The following DYM variants were observed in gnomAD, a reference collection of about 807,000 sequenced individuals.
DYM encodes the protein dymeclin, also known as dyggve-Melchior-Clausen syndrome protein.
DYM carries 78 observed loss-of-function variants against 93.1 expected under a neutral mutation model. The ratio of observed to expected loss-of-function variants is 0.84; its 90% CI spans 0.70 to 1.01. The LOEUF is 1.01. Among genes scored for constraint, DYM ranks in the 50% least tolerant of loss-of-function variants. The pLI, the probability that DYM is intolerant of heterozygous loss-of-function variation, is 0.00. For synonymous variants in DYM, 321 were observed against 319.7 expected, an observed-to-expected ratio of 1.00 and a Z score of -0.04; for missense variants, 789 against 845.0, an observed-to-expected ratio of 0.93 and a Z score of 0.82.
chr18:49,411,444 T>C (rs1053571646), intron 2 of DYM, among the ~76,000 whole-genome samples: 3 of 152,116 alleles, frequency 2.0e-5, no homozygotes, highest in Non-Finnish European at 2.9e-5. Context: ...TCATAAACTA[T>C]AGTGTGGTCG....
At chr18:49,409,589 T>G (rs932916339) in intron 2 of DYM, among the ~76,000 whole-genome samples, 1 of 152,200 alleles carries the variant, frequency 6.6e-6, no homozygotes, top group Non-Finnish European at 1.5e-5. Flanking sequence ...AGAGTACCAC[T>G]GTTGGATGTC....
chr18:49,195,981 T>C (rs1046460643), intron 14 of DYM, among the ~76,000 whole-genome samples: 10 of 134,782 alleles, frequency 7.4e-5, no homozygotes, highest in African/African-American at 2.8e-4. Context: ...TGGAGTGCAG[T>C]GGTGCGATCT....
intron 2 of DYM, among the ~76,000 whole-genome samples, chr18:49,397,755 T>C (rs1195460664): frequency 1.3e-5 from 2 of 152,218 alleles, no homozygotes. Context: ...AAACTGAGAT[T>C]TGCTAAAGCA....
At chr18:49,458,138 C>A (rs1383926757) in intron 1 of DYM, among the ~76,000 whole-genome samples, 1 of 152,182 alleles carries the variant, frequency 6.6e-6, no homozygotes, top group African/African-American at 2.4e-5. Flanking sequence ...TAACATTAAA[C>A]AACTTCTAAT....
intron 13 of DYM, among the ~76,000 whole-genome samples, chr18:49,231,456 C>T (rs2093692038): frequency 6.6e-6 from 1 of 152,168 alleles, no homozygotes; most frequent in Non-Finnish European, 1.5e-5. Context: ...GGGTAGACCT[C>T]CCTTTACCCA....
At chr18:49,227,393 A>G (rs949874622) in intron 13 of DYM, among the ~76,000 whole-genome samples, 2 of 152,184 alleles carry the variant, frequency 1.3e-5, no homozygotes, top group African/African-American at 4.8e-5. Flanking sequence ...AAAAATACAC[A>G]CAAGATAAAA....
At chr18:49,380,465 A>G (rs149432711) in intron 3 of DYM, among the ~76,000 whole-genome samples, 50 of 152,336 alleles carry the variant, frequency 3.3e-4, no homozygotes, top group Non-Finnish European at 6.2e-4. Flanking sequence ...GGTGCTTTAC[A>G]TGCATTAACT....
chr18:49,439,348 A>G (rs1207606938), intron 1 of DYM, among the ~76,000 whole-genome samples: 6 of 152,204 alleles, frequency 3.9e-5, no homozygotes, highest in East Asian at 1.9e-4. Flanking sequence ...CAATCTTAAC[A>G]TGTGCAAAAC....
intron 13 of DYM, among the ~76,000 whole-genome samples, chr18:49,249,886 A>AT (rs1251796003): frequency 6.6e-6 from 1 of 152,234 alleles, no homozygotes; most frequent in Non-Finnish European, 1.5e-5. Context: ...GCATGATTAA[A>AT]TTTTATCAGA....
At chr18:49,111,990 C>T (rs932796108) in intron 16 of DYM, among the ~76,000 whole-genome samples, 1 of 152,142 alleles carries the variant, frequency 6.6e-6, no homozygotes, top group Admixed American at 6.5e-5. Flanking sequence ...AACCCTGGGG[C>T]TGCGACAGTT....
At chr18:49,044,700 T>C (rs753559750) in intron 17 of DYM, among the ~76,000 whole-genome samples, 2 of 152,190 alleles carry the variant, frequency 1.3e-5, no homozygotes, top group African/African-American at 2.4e-5. Flanking sequence ...GGGGCTACTC[T>C]GGAGGAGCGG....
chr18:49,129,518 G>A (rs1164331871), intron 15 of DYM, among the ~76,000 whole-genome samples: 1 of 152,234 alleles, frequency 6.6e-6, no homozygotes, highest in East Asian at 1.9e-4. Flanking sequence ...CAAGGAAGAA[G>A]TGGTGTCCAC....
At chr18:49,326,290 G>A (rs1034514938) in intron 8 of DYM, among the ~76,000 whole-genome samples, 8 of 151,850 alleles carry the variant, frequency 5.3e-5, no homozygotes, top group African/African-American at 1.9e-4. Context: ...CATTTTGTCA[G>A]CATATTAGAA....
At chr18:49,059,079 A>G (rs2075739027) in intron 17 of DYM, among the ~76,000 whole-genome samples, 1 of 152,252 alleles carries the variant, frequency 6.6e-6, no homozygotes, top group Non-Finnish European at 1.5e-5. Flanking sequence ...CTAAGTGCAT[A>G]CGAAACACTT....
intron 17 of DYM, among the ~76,000 whole-genome samples, chr18:49,054,728 A>C (rs750093293): frequency 6.6e-6 from 1 of 152,190 alleles, no homozygotes. Context: ...GTCTCTGGGC[A>C]CTAAGTTACC....
chr18:49,424,272 T>A (rs905145674), intron 2 of DYM, among the ~76,000 whole-genome samples: 1 of 152,114 alleles, frequency 6.6e-6, no homozygotes, highest in Non-Finnish European at 1.5e-5. Context: ...TAATCCATCA[T>A]ATACACAGAA....
chr18:49,060,563 C>A (rs2075865677), intron 17 of DYM, among the ~76,000 whole-genome samples: 1 of 148,976 alleles, frequency 6.7e-6, no homozygotes, highest in Non-Finnish European at 1.5e-5. Context: ...TGCCATGCAG[C>A]CCCAGGTCAG....
Position 49,097,437 on chromosome 18 carries a change from G to C in DYM, c.1990C>G (p.Gln664Glu), listed in dbSNP as rs760754978. Residue 664 changes from glutamine to glutamate, a missense_variant, in exon 17 of 18, where the codon CAA becomes GAA. Transcript: ENST00000675505. ...SVERVLEIIK[Q>E]GVVALPKDRL... ...TCTTTGGGCAGCGCAACGACGCCTT[G>C]CTTAATGATTTCCAGGACCCGTTCC... is the stretch of plus-strand genomic sequence containing the variant. 1.9e-6 allele frequency: 3 copies of C among 1,614,030 alleles called. No individual in the cohort carries two copies. The highest frequency in any genetic ancestry group is 2.2e-5 in the South Asian group (2 of 91,076).
rs1360835434 is a variant in DYM, at chr18:49,336,120, G to T, written c.495-2267C>A. ...TGAGCCATCGTGCCAGACTGCAAATGTATTTTGTCATTGCATCAATAATAA... is the reference window on the plus strand; with the variant it reads ...TGAGCCATCGTGCCAGACTGCAAATTTATTTTGTCATTGCATCAATAATAA... On this transcript the variant is annotated intron_variant, in intron 6 of 17. Coordinates refer to ENST00000675505, the MANE Select transcript of DYM (RefSeq NM_001353214.3). Among the ~76,000 whole-genome samples the T allele has an allele frequency of 2.0e-5, 3 of 152,120 alleles. No homozygotes were observed. In the East Asian group the frequency reaches 5.8e-4, roughly 29 times the overall value.
Sources: gnomAD v4.1 joint callset for allele counts (sites outside exome capture counted in the v4.1 genomes callset) on GRCh38, gnomAD v4.1.1 for gene constraint, MANE v1.5 for transcripts, NCBI Gene and HGNC (gene_info 2026-07-23, HGNC 2026-07-21) for gene names.